Variants in XKR6 observed in about 807,000 individuals in gnomAD.
XKR6 encodes XK related 6, also known as XK-related protein 6.
In XKR6, 22 loss-of-function variants were observed where a neutral mutation model predicts 56.7. The ratio of observed to expected loss-of-function variants is 0.39; its 90% confidence interval spans 0.28 to 0.55. XKR6 has a LOEUF of 0.55. Among genes scored for constraint, XKR6 ranks in the 20% least tolerant of loss-of-function variants. XKR6 has a pLI of 0.66. For missense variants in XKR6, 852 were observed against 889.0 expected (o/e 0.96, Z 0.53); for synonymous variants, 524 against 387.8 (o/e 1.35, Z -4.13).
chr8:11,031,597 T>C (rs957159532), intron 1 of XKR6, among the ~76,000 whole-genome samples: 9 of 152,324 alleles, frequency 5.9e-5, no homozygotes, highest in South Asian at 4.2e-4. Context: ...ACTGTGCTGC[T>C]GAGAAGGGGC....
intron 1 of XKR6, among the ~76,000 whole-genome samples, chr8:10,943,946 C>A (rs930598748): frequency 3.9e-5 from 6 of 152,150 alleles, no homozygotes; most frequent in African/African-American, 1.4e-4. Context: ...AAGTCTCCCC[C>A]TGCCCGGATG....
intron 1 of XKR6, among the ~76,000 whole-genome samples, chr8:11,093,142 A>C (rs1366531144): frequency 7.1e-6 from 1 of 141,072 alleles, no homozygotes; most frequent in African/African-American, 2.7e-5. Flanking sequence ...TGCAACCTCC[A>C]CCTCCCGGGT....
chr8:11,073,643 T>C (rs530896011), intron 1 of XKR6, among the ~76,000 whole-genome samples: 1 of 152,348 alleles, frequency 6.6e-6, no homozygotes, highest in East Asian at 1.9e-4. Flanking sequence ...ACCAAAACTT[T>C]TCATCAATAA....
At chr8:11,173,366 T>TATAC (rs1554478604) in intron 1 of XKR6, among the ~76,000 whole-genome samples, 9,193 of 143,744 alleles carry the variant, frequency 0.064, 423 homozygotes, top group African/African-American at 0.13. Flanking sequence ...TATATATATA[T>TATAC]ACACACACAC....
At chr8:11,137,969 A>G (rs1800492277) in intron 1 of XKR6, 2 of 326,754 alleles carry the variant, frequency 6.1e-6, no homozygotes, top group African/African-American at 4.4e-5. Flanking sequence ...CATTCTCTCT[A>G]ATGCCCTGAT....
chr8:11,046,816 A>G (rs1563101901), intron 1 of XKR6, among the ~76,000 whole-genome samples: 1 of 152,238 alleles, frequency 6.6e-6, no homozygotes, highest in Non-Finnish European at 1.5e-5. Context: ...ATTCATCCTT[A>G]AAAGATATTT....
Position 11,098,748 on chromosome 8 carries a change from T to G in XKR6, c.764+101828A>C, listed in dbSNP as rs140869495. Among the ~76,000 whole-genome samples, 1,145 of 152,360 alleles carry G rather than the reference T, an allele frequency of 7.5e-3. 14 individuals are homozygous for G. The highest frequency in any genetic ancestry group is 0.037 in the South Asian group (177 of 4,830). On this transcript the variant is annotated intron_variant, in intron 1 of 2. Transcript: ENST00000416569. The stretch of plus-strand genomic sequence containing the variant: ...AGAACCTCTTAGAAATCTTGTTCCC[T>G]TAACTATTAGTCTATTCACATTCTT...
chr8:10,992,057 G>A (rs1798005823), intron 1 of XKR6, among the ~76,000 whole-genome samples: 1 of 152,170 alleles, frequency 6.6e-6, no homozygotes, highest in South Asian at 2.1e-4. Flanking sequence ...ACCTGGCCGT[G>A]AGTCCTGCCG....
At chr8:10,931,172 T>C (rs779416276) in intron 1 of XKR6, among the ~76,000 whole-genome samples, 1 of 152,182 alleles carries the variant, frequency 6.6e-6, no homozygotes, top group African/African-American at 2.4e-5. Flanking sequence ...ATTAAAAATA[T>C]ATACCACTTA....
intron 1 of XKR6, among the ~76,000 whole-genome samples, chr8:10,952,064 C>A (rs1406980928): frequency 6.6e-6 from 1 of 152,146 alleles, no homozygotes; most frequent in African/African-American, 2.4e-5. Flanking sequence ...AGGGCACATG[C>A]AGCACAGGTC....
At chr8:11,015,225 C>A (rs1798591807) in intron 1 of XKR6, among the ~76,000 whole-genome samples, 1 of 150,618 alleles carries the variant, frequency 6.6e-6, no homozygotes, top group African/African-American at 2.4e-5. Context: ...AACCCAAATT[C>A]TTTTAGTTCC....
At chr8:11,135,003 T>C (rs1800308062) in intron 1 of XKR6, among the ~76,000 whole-genome samples, 2 of 151,724 alleles carry the variant, frequency 1.3e-5, no homozygotes, top group African/African-American at 2.4e-5. Context: ...TTTAAGTATA[T>C]AAATGTCAAA....
At chr8:11,114,468 T>C (rs1036113571) in intron 1 of XKR6, among the ~76,000 whole-genome samples, 3 of 152,134 alleles carry the variant, frequency 2.0e-5, no homozygotes, top group Admixed American at 6.5e-5. Flanking sequence ...TTCAAGCGAT[T>C]CTCCTGCCTC....
chr8:11,066,154 T>G (rs964476570), intron 1 of XKR6, among the ~76,000 whole-genome samples: 1 of 152,206 alleles, frequency 6.6e-6, no homozygotes, highest in African/African-American at 2.4e-5. Flanking sequence ...CAGCCCTTCT[T>G]ATCTCTAAGA....
At chr8:11,059,478 G>A (rs1028251376) in intron 1 of XKR6, among the ~76,000 whole-genome samples, 2 of 152,102 alleles carry the variant, frequency 1.3e-5, no homozygotes, top group Non-Finnish European at 2.9e-5. Flanking sequence ...GGCCCCGCCC[G>A]ACAGGCAGCT....
intron 1 of XKR6, among the ~76,000 whole-genome samples, chr8:11,185,947 C>G (rs908994692): frequency 1.3e-5 from 2 of 152,182 alleles, no homozygotes; most frequent in Non-Finnish European, 2.9e-5. Context: ...TCGATGGAAA[C>G]AGGGCTTGGG....
intron 1 of XKR6, among the ~76,000 whole-genome samples, chr8:11,153,122 G>A (rs936731738): frequency 2.0e-5 from 3 of 152,174 alleles, no homozygotes; most frequent in Admixed American, 1.3e-4. Context: ...AACATTCACA[G>A]TTTAATCCAA....
chr8:11,168,192 G>A (rs1286828682), intron 1 of XKR6, among the ~76,000 whole-genome samples: 3 of 152,134 alleles, frequency 2.0e-5, no homozygotes, highest in East Asian at 1.9e-4. Context: ...TCAAAGGAAC[G>A]AAATTAACTG....
intron 1 of XKR6, among the ~76,000 whole-genome samples, chr8:10,997,644 G>A (rs1324862822): frequency 6.6e-6 from 1 of 152,210 alleles, no homozygotes; most frequent in Non-Finnish European, 1.5e-5. Context: ...TCTGCAGGAG[G>A]CGTGTGGAAA....
Sources: gnomAD v4.1 joint callset for allele counts (sites outside exome capture counted in the v4.1 genomes callset) on GRCh38, gnomAD v4.1.1 for gene constraint, MANE v1.5 for transcripts, NCBI Gene and HGNC (gene_info 2026-07-23, HGNC 2026-07-21) for gene names.